The following MRTFB variants were observed in gnomAD, a reference collection of about 807,000 sequenced individuals.
MRTFB encodes the protein myocardin related transcription factor B.
Under a neutral mutation model 104.2 loss-of-function variants are expected in MRTFB, and 29 were observed. The ratio of observed to expected loss-of-function variants is 0.28; its 90% CI spans 0.21 to 0.38. The LOEUF is 0.38. Among genes scored for constraint, MRTFB ranks in the 10% least tolerant of loss-of-function variants. The pLI, the probability that MRTFB is intolerant of heterozygous loss-of-function variation, is 1.00. For missense variants in MRTFB, 1,270 were observed against 1,341.6 expected, an observed-to-expected ratio of 0.95 and a Z score of 0.83; for synonymous variants, 535 against 519.5, an observed-to-expected ratio of 1.03 and a Z score of -0.41.
intron 5 of MRTFB, 76 bp downstream of exon 5, chr16:14,212,485 G>A: frequency 7.6e-7 from 1 of 1,323,780 alleles, no homozygotes; most frequent in Non-Finnish European, 1.1e-6. Flanking sequence ...TGTACAAGTA[G>A]CAGTGTTACT....
the MRTFB span, among the ~76,000 whole-genome samples, chr16:14,065,410 G>A: frequency 6.6e-6 from 1 of 152,152 alleles, no homozygotes; most frequent in Non-Finnish European, 1.5e-5. Context: ...TACAAACAGG[G>A]ATAGTCTGAC....
chr16:14,233,781 C>CA (rs1007606658), intron 8 of MRTFB, among the ~76,000 whole-genome samples: 3,409 of 48,884 alleles, frequency 0.07, 121 homozygotes, highest in African/African-American at 0.082. Flanking sequence ...GACTCCCTCT[C>CA]AAAAAAAAAA....
intron 3 of MRTFB, among the ~76,000 whole-genome samples, chr16:14,197,217 G>A (rs922810058): frequency 6.6e-6 from 1 of 151,826 alleles, no homozygotes; most frequent in Non-Finnish European, 1.5e-5. Flanking sequence ...CAAGTGATCC[G>A]CCTGCCTAAG....
intron 13 of MRTFB, among the ~76,000 whole-genome samples, chr16:14,251,113 A>G (rs1038055903): frequency 1.3e-5 from 2 of 152,144 alleles, no homozygotes; most frequent in Non-Finnish European, 2.9e-5. Context: ...GCGGTGGCTC[A>G]AGCCTGTAAT....
intron 2 of MRTFB, among the ~76,000 whole-genome samples, chr16:14,086,541 A>C (rs1431705413): frequency 6.6e-6 from 1 of 152,218 alleles, no homozygotes; most frequent in East Asian, 1.9e-4. Flanking sequence ...AGTCTAAATT[A>C]ATGAAGTTTT....
chr16:14,071,717 C>T (rs1392519886), intron 1 of MRTFB, among the ~76,000 whole-genome samples: 2 of 152,128 alleles, frequency 1.3e-5, no homozygotes, highest in African/African-American at 4.8e-5. Flanking sequence ...CGCGCTTGCA[C>T]GCCGGGGCTG....
intron 1 of MRTFB, among the ~76,000 whole-genome samples, chr16:14,073,434 A>G (rs759940964): frequency 3.3e-5 from 5 of 152,262 alleles, no homozygotes; most frequent in Non-Finnish European, 7.3e-5. Context: ...AATAGGAATT[A>G]TAAAAGGAAA....
chr16:14,036,993 T>C, the MRTFB span, among the ~76,000 whole-genome samples: 5 of 152,186 alleles, frequency 3.3e-5, no homozygotes, highest in Non-Finnish European at 5.9e-5. Flanking sequence ...TCCAGAAATC[T>C]GGTTTTTATG....
intron 3 of MRTFB, chr16:14,150,989 C>T (rs899619615): frequency 6.6e-6 from 1 of 152,164 alleles, no homozygotes; most frequent in African/African-American, 2.4e-5. Flanking sequence ...TTACTTTTTA[C>T]TTCTATGTGC....
intron 3 of MRTFB, among the ~76,000 whole-genome samples, chr16:14,163,522 A>G (rs971871488): frequency 2.0e-5 from 3 of 152,130 alleles, no homozygotes; most frequent in African/African-American, 7.2e-5. Context: ...TAGTTCACAT[A>G]TATCTATATT....
chr16:14,127,642 CAA>C (rs770740356), intron 2 of MRTFB, among the ~76,000 whole-genome samples: 12 of 76,218 alleles, frequency 1.6e-4, no homozygotes, highest in Middle Eastern at 9.8e-3. Flanking sequence ...GACTCTGTCT[CAA>C]AAAAAAAAAA....
chr16:14,094,595 C>T (rs1028214595), intron 2 of MRTFB, among the ~76,000 whole-genome samples: 1 of 152,184 alleles, frequency 6.6e-6, no homozygotes, highest in Non-Finnish European at 1.5e-5. Flanking sequence ...TCACCTAGTT[C>T]TTCTTCCTGT....
intron 3 of MRTFB, among the ~76,000 whole-genome samples, chr16:14,163,738 C>T (rs887750700): frequency 6.6e-6 from 1 of 151,134 alleles, no homozygotes; most frequent in Non-Finnish European, 1.5e-5. Context: ...GAGGCTGAGG[C>T]AGGAGAATCG....
intron 2 of MRTFB, among the ~76,000 whole-genome samples, chr16:14,101,237 A>G (rs1262720818): frequency 6.6e-6 from 1 of 151,650 alleles, no homozygotes; most frequent in African/African-American, 2.4e-5. Context: ...ATTGAGGCTC[A>G]GAGAAGTTAA....
chr16:14,029,144 T>TA, the MRTFB span, among the ~76,000 whole-genome samples: 3 of 150,948 alleles, frequency 2.0e-5, no homozygotes, highest in African/African-American at 7.3e-5. Flanking sequence ...AAAGATAAAA[T>TA]AAAAAAATTA....
chr16:14,228,897 T>C (rs2042133165), intron 8 of MRTFB, among the ~76,000 whole-genome samples: 1 of 152,134 alleles, frequency 6.6e-6, no homozygotes, highest in Admixed American at 6.5e-5. Flanking sequence ...AAGAAAATGA[T>C]GATTGCCTGG....
At chr16:14,240,535 A>T in intron 10 of MRTFB, 51 bp downstream of exon 10, 1 of 1,613,912 alleles carries the variant, frequency 6.2e-7, no homozygotes, top group Non-Finnish European at 8.5e-7. Context: ...GTGGTTTTTT[A>T]TGAGGAACTA....
chr16:14,037,030 AT>A, the MRTFB span, among the ~76,000 whole-genome samples: 3 of 150,800 alleles, frequency 2.0e-5, no homozygotes, highest in South Asian at 2.1e-4. Flanking sequence ...TTTAATTACT[AT>A]TTTTTTTAAG....
At chr16:14,089,735 T>C (rs2034937490) in intron 2 of MRTFB, among the ~76,000 whole-genome samples, 1 of 152,176 alleles carries the variant, frequency 6.6e-6, no homozygotes, top group African/African-American at 2.4e-5. Flanking sequence ...TGTGTGAAGG[T>C]GCACCTTTTT....
Sources: allele counts gnomAD v4.1 joint callset (sites outside exome capture counted in the v4.1 genomes callset), GRCh38; gene constraint gnomAD v4.1.1; transcripts MANE v1.5; gene names NCBI Gene and HGNC (gene_info 2026-07-23, HGNC 2026-07-21).